The following FOXN3 variants were observed in gnomAD, a reference collection of about 807,000 sequenced individuals.
FOXN3 encodes forkhead box protein N3.
FOXN3 carries 7 observed loss-of-function variants against 38.4 expected under a neutral mutation model. The observed-to-expected ratio is 0.18, with a 90% CI of 0.10 to 0.34. The LOEUF is 0.34. Ranked by LOEUF, FOXN3 falls within the 10% of genes least tolerant of loss-of-function variation. The pLI is 1.00. For missense variants in FOXN3, 456 were observed against 613.4 expected (o/e 0.74, Z 2.71); for synonymous variants, 230 against 242.2 (o/e 0.95, Z 0.47).
intron 1 of FOXN3, among the ~76,000 whole-genome samples, chr14:89,588,620 C>G (rs868802382): frequency 7.2e-5 from 11 of 152,164 alleles, no homozygotes; most frequent in African/African-American, 2.7e-4. Context: ...ACAGATATCA[C>G]CATGCCCAAC....
intron 1 of FOXN3, among the ~76,000 whole-genome samples, chr14:89,596,285 G>A (rs892434613): frequency 3.3e-5 from 5 of 152,000 alleles, no homozygotes; most frequent in Middle Eastern, 3.2e-3. Context: ...TTATAGGCAC[G>A]TGCCACCAAG....
At position 89,291,517 on chromosome 14, in the gene FOXN3, GT is replaced by G; in HGVS notation, c.681-10504del. On this transcript the variant is annotated intron_variant, in intron 3 of 5. Transcript: ENST00000557258. ...TTACCCCGCCATCCCCAGGGGGCCT[GT>G]GGGACTCTGCAGACAGCGACTCCAG... 4 of 589,140 alleles carry G rather than the reference GT, an allele frequency of 6.8e-6. No individual in the cohort carries two copies. In the Admixed American group the frequency reaches 7.5e-5, roughly 11 times the overall value. 36.5% of individuals were successfully genotyped at this position (589,140 alleles called of 1,614,324 possible). A position where few individuals can be genotyped will look rare whatever the true frequency, so the allele number is the denominator to read the frequency against.
chr14:89,371,445 A>T (rs1209946424), intron 2 of FOXN3, among the ~76,000 whole-genome samples: 2 of 151,922 alleles, frequency 1.3e-5, no homozygotes, highest in African/African-American at 2.4e-5. Context: ...TCCCATCATG[A>T]CCCACTTGGC....
intron 1 of FOXN3, among the ~76,000 whole-genome samples, chr14:89,517,033 CTG>C (rs1416446835): frequency 6.6e-6 from 1 of 152,172 alleles, no homozygotes; most frequent in Non-Finnish European, 1.5e-5. Context: ...CCTGTTTGTG[CTG>C]TGTCTCTAGG....
At chr14:89,212,589 C>T (rs931196711) in intron 4 of FOXN3, among the ~76,000 whole-genome samples, 11 of 152,172 alleles carry the variant, frequency 7.2e-5, no homozygotes, top group African/African-American at 2.7e-4. Flanking sequence ...ACAGATCCGG[C>T]GATGGCAGCC....
In FOXN3 at chr14:89,157,950, C is replaced by A. The variant is rs1438048460; in HGVS notation, c.*4464G>T. The A allele has an allele frequency of 6.6e-6, 1 of 152,570 alleles. No homozygotes were observed. The highest frequency in any genetic ancestry group is 1.5e-5 in the Non-Finnish European group (1 of 68,006). 9.5% of individuals were successfully genotyped at this position (152,570 alleles called of 1,614,324 possible). A position where few individuals can be genotyped will look rare whatever the true frequency, so the allele number is the denominator to read the frequency against. ...AAATCCTGAAGATGAAAGAAAAATA[C>A]TTCTCTACAGAAACATAAAAATCAA... On this transcript the variant is annotated 3_prime_UTR_variant, in exon 6 of 6. Coordinates refer to ENST00000557258, the MANE Select transcript of FOXN3 (RefSeq NM_005197.4).
intron 1 of FOXN3, among the ~76,000 whole-genome samples, chr14:89,566,307 T>C (rs1895349472): frequency 6.6e-6 from 1 of 152,234 alleles, no homozygotes; most frequent in South Asian, 2.1e-4. Flanking sequence ...AATCAGATTT[T>C]TTTTTTCTTC....
intron 1 of FOXN3, among the ~76,000 whole-genome samples, chr14:89,475,620 A>T (rs58821463): frequency 2.8e-4 from 43 of 152,298 alleles, no homozygotes; most frequent in Admixed American, 2.7e-3. Flanking sequence ...GCACCACAGC[A>T]CTCCAGCCTG....
chr14:89,223,984 A>C (rs1027299338), intron 4 of FOXN3, among the ~76,000 whole-genome samples: 1 of 151,826 alleles, frequency 6.6e-6, no homozygotes, highest in African/African-American at 2.4e-5. Context: ...AATATTTATA[A>C]CGATTAAGAG....
chr14:89,192,093 T>C (rs1006859791), intron 4 of FOXN3, among the ~76,000 whole-genome samples: 24 of 146,478 alleles, frequency 1.6e-4, no homozygotes, highest in Admixed American at 3.4e-4. Flanking sequence ...TAATAGTATA[T>C]ATACAGTTTA....
At chr14:89,237,839 TA>T (rs1303618779) in intron 4 of FOXN3, among the ~76,000 whole-genome samples, 1 of 152,228 alleles carries the variant, frequency 6.6e-6, no homozygotes, top group East Asian at 1.9e-4. Context: ...TACATTGCAT[TA>T]TATTATATGA....
chr14:89,393,244 T>TCTC (rs1891006417), intron 2 of FOXN3, among the ~76,000 whole-genome samples: 1 of 152,164 alleles, frequency 6.6e-6, no homozygotes, highest in South Asian at 2.1e-4. Context: ...CCTGGCCTCC[T>TCTC]CTCTTCTTTT....
intron 4 of FOXN3, among the ~76,000 whole-genome samples, chr14:89,236,967 T>C (rs972374324): frequency 5.3e-5 from 8 of 152,154 alleles, no homozygotes; most frequent in African/African-American, 9.7e-5. Flanking sequence ...ACCTCTCTCT[T>C]CCATCAGTCA....
At chr14:89,458,030 CAAAAAA>C (rs11445763) in intron 1 of FOXN3, among the ~76,000 whole-genome samples, 2 of 53,520 alleles carry the variant, frequency 3.7e-5, no homozygotes, top group African/African-American at 7.4e-5. Context: ...AACTCCATCT[CAAAAAA>C]AAAAAAAAAA....
At chr14:89,460,220 G>A (rs1355425518) in intron 1 of FOXN3, among the ~76,000 whole-genome samples, 1 of 152,166 alleles carries the variant, frequency 6.6e-6, no homozygotes, top group African/African-American at 2.4e-5. Context: ...GTCTAACAGA[G>A]CTGCTACCCC....
At chr14:89,193,448 T>A (rs1388109265) in intron 4 of FOXN3, among the ~76,000 whole-genome samples, 14 of 152,178 alleles carry the variant, frequency 9.2e-5, no homozygotes, top group African/African-American at 3.4e-4. Flanking sequence ...TAATCACACA[T>A]GTGGGAGAAC....
chr14:89,239,295 T>C (rs1365887515), intron 4 of FOXN3, among the ~76,000 whole-genome samples: 1 of 152,236 alleles, frequency 6.6e-6, no homozygotes, highest in African/African-American at 2.4e-5. Flanking sequence ...CAGCCATCCA[T>C]CTTCCTTTGT....
At chr14:89,506,013 G>C (rs1380756401) in intron 1 of FOXN3, among the ~76,000 whole-genome samples, 1 of 150,060 alleles carries the variant, frequency 6.7e-6, no homozygotes, top group Non-Finnish European at 1.5e-5. Context: ...CACCCCGTCC[G>C]GGAGGGAGGT....
At chr14:89,564,763 G>A (rs243183) in intron 1 of FOXN3, among the ~76,000 whole-genome samples, 45,244 of 149,858 alleles carry the variant, frequency 0.3, 6,900 homozygotes, top group East Asian at 0.41. Flanking sequence ...AGGTCATCCC[G>A]GAATAAGGTG....
Sources: allele counts gnomAD v4.1 joint callset (sites outside exome capture counted in the v4.1 genomes callset), GRCh38; gene constraint gnomAD v4.1.1; transcripts MANE v1.5; gene names NCBI Gene and HGNC (gene_info 2026-07-23, HGNC 2026-07-21).